Variants in WDR25 observed in about 807,000 individuals in gnomAD.
The protein encoded by WDR25 is WD repeat domain 25.
WDR25 carries 35 observed loss-of-function variants against 47.7 expected under a neutral mutation model. The ratio of observed to expected loss-of-function variants is 0.73; its 90% confidence interval spans 0.56 to 0.97. The LOEUF (loss-of-function observed/expected upper bound fraction) is 0.97. Ranked by LOEUF, WDR25 falls within the 50% of genes least tolerant of loss-of-function variation. WDR25 has a pLI of 0.00. For synonymous variants in WDR25, 248 were observed against 278.9 expected (o/e 0.89, Z 1.10); for missense variants, 634 against 704.7 (o/e 0.90, Z 1.14).
At chr14:100,517,948 A>C (rs543597228) in intron 4 of WDR25, among the ~76,000 whole-genome samples, 1 of 152,354 alleles carries the variant, frequency 6.6e-6, no homozygotes, top group East Asian at 1.9e-4. Flanking sequence ...TTACATCTAC[A>C]TACATTGAAG....
At chr14:100,496,274 T>C (rs950410525) in intron 4 of WDR25, among the ~76,000 whole-genome samples, 3 of 152,260 alleles carry the variant, frequency 2.0e-5, no homozygotes, top group African/African-American at 7.2e-5. Flanking sequence ...TTTATCTAAG[T>C]TGTGAAACTT....
chr14:100,389,917 G>A (rs1408717192), intron 2 of WDR25, among the ~76,000 whole-genome samples: 3 of 152,174 alleles, frequency 2.0e-5, no homozygotes, highest in Admixed American at 1.3e-4. Flanking sequence ...GCTGAAGGTC[G>A]TTGACTTTGC....
At chr14:100,418,998 C>T (rs1469040164) in intron 2 of WDR25, among the ~76,000 whole-genome samples, 2 of 152,128 alleles carry the variant, frequency 1.3e-5, no homozygotes, top group African/African-American at 4.8e-5. Flanking sequence ...GGTGGGCGAT[C>T]ACCTGATGTC....
chr14:100,451,244 T>C (rs1453382813), intron 2 of WDR25, among the ~76,000 whole-genome samples: 1 of 6,210 alleles, frequency 1.6e-4, no homozygotes, highest in Non-Finnish European at 2.9e-4. Flanking sequence ...CAAAGCATTC[T>C]TTTTTTTTTT....
In WDR25 at chr14:100,484,217, C is replaced by T. The variant is rs561197330; in HGVS notation, c.1101+93C>T. 5.8e-6 allele frequency: 8 copies of T among 1,367,962 alleles called. No individual in the cohort carries two copies. The African/African-American group carries it at 8.8e-5, about 15-fold the overall frequency. 84.7% of individuals were successfully genotyped at this position (1,367,962 alleles called of 1,614,324 possible). On this transcript the variant is annotated intron_variant, in intron 4 of 6. Coordinates refer to ENST00000402312, the MANE Select transcript of WDR25 (RefSeq NM_001161476.3). ...GGCAGGTCAGCATCTATATATAGGA[C>T]CCTTGAGGTGGAATAATTACCACTT... is the stretch of plus-strand genomic sequence containing the variant.
intron 4 of WDR25, among the ~76,000 whole-genome samples, chr14:100,497,692 G>T (rs748675417): frequency 6.6e-6 from 1 of 152,132 alleles, no homozygotes; most frequent in Admixed American, 6.5e-5. Flanking sequence ...GCCTCAGGTC[G>T]ATTTTGAACA....
chr14:100,510,331 C>A (rs930066932), intron 4 of WDR25, among the ~76,000 whole-genome samples: 1 of 151,902 alleles, frequency 6.6e-6, no homozygotes, highest in Admixed American at 6.6e-5. Flanking sequence ...GGCAGTGGCA[C>A]GATCATGGCT....
chr14:100,494,063 AT>A (rs769397957), intron 4 of WDR25, among the ~76,000 whole-genome samples: 10 of 152,242 alleles, frequency 6.6e-5, no homozygotes, highest in Non-Finnish European at 1.2e-4. Context: ...TTCAATTTTT[AT>A]TTCTTGTTTT....
Position 100,500,962 on chromosome 14 carries a change from T to C in WDR25, c.1101+16838T>C, listed in dbSNP as rs1900901938. Among the ~76,000 whole-genome samples the C allele has an allele frequency of 6.6e-6, 1 of 152,252 alleles. No homozygotes were observed. The highest frequency in any genetic ancestry group is 6.5e-5 in the Admixed American group (1 of 15,292). ...ATCTGTAATTTAAAATTTCACAGTC[T>C]TCAACATGACAGTTTCTCTGTGGGT... On this transcript the variant is annotated intron_variant, in intron 4 of 6. Coordinates refer to ENST00000402312, the MANE Select transcript of WDR25 (RefSeq NM_001161476.3). This position sits in a 1 kb window ranked among gnomAD's most constrained non-coding sequence, Gnocchi z 4.7.
Position 100,468,930 on chromosome 14 carries a change from T to C in WDR25, c.970+762T>C, listed in dbSNP as rs754449359. Among the ~76,000 whole-genome samples, 3 of 151,264 alleles carry C rather than the reference T, an allele frequency of 2.0e-5. No individual in the cohort carries two copies. The highest frequency in any genetic ancestry group is 4.4e-5 in the Non-Finnish European group (3 of 67,754). On this transcript the variant is annotated intron_variant, in intron 3 of 6. Coordinates refer to ENST00000402312, the MANE Select transcript of WDR25 (RefSeq NM_001161476.3). This position sits in a 1 kb window ranked among gnomAD's most constrained non-coding sequence, Gnocchi z 4.5. ...TTCTTTCCTTTCCTTTCCCTCTATG[T>C]TCTCTTTCTTTTCTTTCTTTCCTTT...
At chr14:100,508,156 G>T (rs1057101180) in intron 4 of WDR25, among the ~76,000 whole-genome samples, 1 of 151,976 alleles carries the variant, frequency 6.6e-6, no homozygotes, top group African/African-American at 2.4e-5. Flanking sequence ...CACATAAACA[G>T]AATTGAAAAC....
chr14:100,525,852 C>T lies in WDR25; in HGVS notation c.1102-18C>T, dbSNP rs371015591. Reference sequence around the variant, plus strand: ...GTGCTGCCAGGCCTGCCAGCATGACCGGTGTCCGCTCTTGCAGGTGATGAG... The same window carrying T: ...GTGCTGCCAGGCCTGCCAGCATGACTGGTGTCCGCTCTTGCAGGTGATGAG... On this transcript the variant is annotated intron_variant, in intron 4 of 6. Transcript: ENST00000402312. The surrounding 1 kb of genome is among the most constrained non-coding windows in gnomAD (Gnocchi z 4.6). The T allele has an allele frequency of 2.3e-4, 374 of 1,611,192 alleles. No individual in the cohort carries two copies. The highest frequency in any genetic ancestry group is 5.7e-4 in the Admixed American group (34 of 59,918).
intron 2 of WDR25, among the ~76,000 whole-genome samples, chr14:100,423,981 C>T (rs1053925870): frequency 2.0e-5 from 3 of 152,268 alleles, no homozygotes; most frequent in Admixed American, 6.5e-5. Flanking sequence ...GGTGGCACAG[C>T]TGCCCAGGAT....
chr14:100,419,178 C>T (rs560815899), intron 2 of WDR25, among the ~76,000 whole-genome samples: 22 of 149,940 alleles, frequency 1.5e-4, no homozygotes, highest in Non-Finnish European at 3.0e-4. Flanking sequence ...GCCGAGATCA[C>T]GCCACTGCAC....
chr14:100,469,026 A>G (rs1327433936), intron 3 of WDR25, among the ~76,000 whole-genome samples: 1 of 151,742 alleles, frequency 6.6e-6, no homozygotes, highest in Non-Finnish European at 1.5e-5. Context: ...TCCTCCCCAG[A>G]GCTCCTCGGT....
chr14:100,528,699 T>C (rs2030311973), intron 5 of WDR25, among the ~76,000 whole-genome samples: 1 of 152,042 alleles, frequency 6.6e-6, no homozygotes, highest in African/African-American at 2.4e-5. Context: ...CATTCACAGG[T>C]TTCAGGAATT....
chr14:100,484,020 G>T lies in WDR25; in HGVS notation c.997G>T (p.Asp333Tyr). The T allele has an allele frequency of 1.2e-6, 2 of 1,613,396 alleles. No individual in the cohort carries two copies. Among genetic ancestry groups the T allele is most frequent in the Non-Finnish European group, 1.7e-6 (2 of 1,179,796 alleles). Reference protein sequence around the residue: ...TGTQLFSGRSDFRITTLKFHP... With the variant: ...TGTQLFSGRSYFRITTLKFHP... ...AACCCAGCTATTTAGTGGTCGAAGT[G>T]ACTTTAGAATCACTACCTTGAAATT... is the stretch of plus-strand genomic sequence containing the variant. The change falls in exon 4 of 7, where the codon GAC (aspartate) becomes TAC (tyrosine). Residue 333 changes from aspartate (D) to tyrosine (Y), a missense_variant. Coordinates refer to ENST00000402312, the MANE Select transcript of WDR25 (RefSeq NM_001161476.3).
chr14:100,506,428 C>G lies in WDR25; in HGVS notation c.1102-19442C>G, dbSNP rs940795544. On this transcript the variant is annotated intron_variant, in intron 4 of 6. Coordinates refer to ENST00000402312, the MANE Select transcript of WDR25 (RefSeq NM_001161476.3). This position sits in a 1 kb window ranked among gnomAD's most constrained non-coding sequence, Gnocchi z 4.8. ...TAACATTTTCTTTTGGATATATACC[C>G]AGTAATGGGATTGCTGGGATAAATG... 6.6e-6 allele frequency among the ~76,000 whole-genome samples: 1 copy of G among 152,136 alleles called. No individual in the cohort carries two copies. The highest frequency in any genetic ancestry group is 1.5e-5 in the Non-Finnish European group (1 of 68,026).
At chr14:100,376,628 C>A (rs1374842667) in intron 1 of WDR25, 133 bp downstream of exon 1, 1 of 1,231,856 alleles carries the variant, frequency 8.1e-7, no homozygotes, top group Non-Finnish European at 1.0e-6. Flanking sequence ...TCAGAAAGCG[C>A]TGTGCCTTGG....
Sources: allele counts gnomAD v4.1 joint callset (sites outside exome capture counted in the v4.1 genomes callset), GRCh38; gene constraint gnomAD v4.1.1; non-coding constraint Gnocchi (gnomAD v3.1); transcripts MANE v1.5; gene names NCBI Gene and HGNC (gene_info 2026-07-23, HGNC 2026-07-21).